ACAP2: variants seen among roughly 807,000 people sequenced by gnomAD.
ACAP2 encodes the protein arf-GAP with coiled-coil, ANK repeat and PH domain-containing protein 2.
A neutral mutation model predicts 115.8 loss-of-function variants in ACAP2; 39 were observed. The ratio of observed to expected loss-of-function variants is 0.34; its 90% CI spans 0.26 to 0.44. ACAP2 has a LOEUF of 0.44. Among genes scored for constraint, ACAP2 ranks in the 20% least tolerant of loss-of-function variants. The probability of loss-of-function intolerance (pLI) is 1.00; values close to 1 mark genes in which losing one functional copy is unlikely to be tolerated. For synonymous variants in ACAP2, 289 were observed against 315.8 expected (o/e 0.92, Z 0.90); for missense variants, 662 against 927.6 (o/e 0.71, Z 3.72).
chr3:195,433,240 T>C (rs550438999), intron 1 of ACAP2, among the ~76,000 whole-genome samples: 31 of 152,364 alleles, frequency 2.0e-4, no homozygotes, highest in Non-Finnish European at 1.5e-5. Context: ...TAATGCAATG[T>C]AAATGTTATG....
intron 1 of ACAP2, chr3:195,410,894 C>G: frequency 4.2e-6 from 1 of 235,366 alleles, no homozygotes; most frequent in Non-Finnish European, 8.8e-6. Flanking sequence ...TTTTGCCCTT[C>G]CACCTTCTGC....
intron 21 of ACAP2, 57 bp from the exon 22 acceptor site, chr3:195,285,914 TAA>T: frequency 7.7e-7 from 1 of 1,294,308 alleles, no homozygotes; most frequent in Non-Finnish European, 1.1e-6. Flanking sequence ...ATGTCATAAA[TAA>T]AGTCTATAAA....
intron 9 of ACAP2, chr3:195,326,269 A>C (rs1279181409): frequency 6.6e-6 from 1 of 152,268 alleles, no homozygotes; most frequent in East Asian, 1.9e-4. Context: ...CTGACTTTAT[A>C]AGAAAGTTGA....
At position 195,275,536 on chromosome 3, in the gene ACAP2, C is replaced by T. The variant is rs1237319425; in HGVS notation, c.*3792G>A. ...ATTTGGAGTCTTTGTTATCAAAGCACAAGGAAAGCTGGCATTCATTATCAG... is the reference window on the plus strand; with the variant it reads ...ATTTGGAGTCTTTGTTATCAAAGCATAAGGAAAGCTGGCATTCATTATCAG... On this transcript the variant is annotated 3_prime_UTR_variant, in exon 23 of 23. Transcript: ENST00000326793. The T allele has an allele frequency of 1.3e-5, 2 of 152,186 alleles. No homozygotes were observed. The highest frequency in any genetic ancestry group is 4.8e-5 in the African/African-American group (2 of 41,452). 9.4% of individuals were successfully genotyped at this position (152,186 alleles called of 1,614,324 possible). A position where few individuals can be genotyped will look rare whatever the true frequency, so the allele number is the denominator to read the frequency against.
chr3:195,327,886 G>A (rs1191534794), intron 8 of ACAP2, among the ~76,000 whole-genome samples: 1 of 151,782 alleles, frequency 6.6e-6, no homozygotes, highest in African/African-American at 2.4e-5. Context: ...GGCCAAGATC[G>A]CACCACTGCA....
chr3:195,424,261 GTATA>G (rs1277754660), intron 1 of ACAP2, among the ~76,000 whole-genome samples: 73 of 54,668 alleles, frequency 1.3e-3, no homozygotes, highest in African/African-American at 3.7e-3. Flanking sequence ...GTGTGTGTGT[GTATA>G]TATATATATA....
At chr3:195,403,804 A>G (rs1712515963) in intron 1 of ACAP2, among the ~76,000 whole-genome samples, 1 of 152,250 alleles carries the variant, frequency 6.6e-6, no homozygotes, top group Admixed American at 6.5e-5. Flanking sequence ...TACTAGATAT[A>G]CAAGTGATGA....
chr3:195,300,464 G>T (rs1045111586), intron 15 of ACAP2, among the ~76,000 whole-genome samples: 1 of 152,134 alleles, frequency 6.6e-6, no homozygotes, highest in Non-Finnish European at 1.5e-5. Context: ...TTCGAATTTT[G>T]TAAATCTTAT....
intron 11 of ACAP2, among the ~76,000 whole-genome samples, chr3:195,308,166 T>G (rs1165606581): frequency 6.6e-6 from 1 of 152,150 alleles, no homozygotes; most frequent in Non-Finnish European, 1.5e-5. Flanking sequence ...CTATTTAAAT[T>G]ACTTTCAGCT....
chr3:195,361,680 C>T (rs1400242315), intron 4 of ACAP2, among the ~76,000 whole-genome samples: 1 of 151,624 alleles, frequency 6.6e-6, no homozygotes, highest in East Asian at 1.9e-4. Flanking sequence ...TAAATAAAGA[C>T]CAGAGCAGAA....
intron 6 of ACAP2, among the ~76,000 whole-genome samples, chr3:195,339,728 G>C (rs1159831146): frequency 6.6e-6 from 1 of 151,990 alleles, no homozygotes; most frequent in Non-Finnish European, 1.5e-5. Context: ...TGAGGAGGCA[G>C]TGTGAGGATT....
intron 1 of ACAP2, among the ~76,000 whole-genome samples, chr3:195,438,029 C>CTT (rs1343731977): frequency 2.9e-4 from 30 of 103,242 alleles, no homozygotes; most frequent in South Asian, 7.9e-4. Context: ...CAAGAATTTT[C>CTT]TTTTTTTTTT....
chr3:195,337,194 T>G (rs2108637698), intron 6 of ACAP2, among the ~76,000 whole-genome samples: 1 of 152,354 alleles, frequency 6.6e-6, no homozygotes, highest in Non-Finnish European at 1.5e-5. Flanking sequence ...AAAGAAAAAC[T>G]GGTTATTTAA....
intron 3 of ACAP2, 149 bp downstream of exon 3, chr3:195,381,754 T>G: frequency 5.1e-6 from 4 of 784,430 alleles, no homozygotes; most frequent in Non-Finnish European, 7.9e-6. Context: ...GAAAACAGAA[T>G]CATACAAGAG....
At chr3:195,356,266 C>T (rs139380288) in intron 4 of ACAP2, 202 of 449,228 alleles carry the variant, frequency 4.5e-4, no homozygotes, top group African/African-American at 3.7e-3. Flanking sequence ...TCAGCCAATG[C>T]CAATGAATGG....
chr3:195,323,733 TAGA>T (rs1269133085), intron 9 of ACAP2, among the ~76,000 whole-genome samples: 1 of 150,936 alleles, frequency 6.6e-6, no homozygotes, highest in African/African-American at 2.4e-5. Flanking sequence ...AGCTGGAGAG[TAGA>T]AGGATGGTTA....
At position 195,279,152 on chromosome 3, in the gene ACAP2, T is replaced by TC; in HGVS notation, c.*175dup. On this transcript the variant is annotated 3_prime_UTR_variant, in exon 23 of 23. Transcript: ENST00000326793. ...AAAGAGGTCCTAAACTAGGTTCCTCTCCTACTACTAGATAACTATGTTTTA... is the reference window on the plus strand; with the variant it reads ...AAAGAGGTCCTAAACTAGGTTCCTCTCCCTACTACTAGATAACTATGTTTTA... 2.1e-6 allele frequency: 1 copy of TC among 478,254 alleles called. No individual in the cohort carries two copies. Among genetic ancestry groups the TC allele is most frequent in the Non-Finnish European group, 3.6e-6 (1 of 274,944 alleles). 29.6% of individuals were successfully genotyped at this position (478,254 alleles called of 1,614,324 possible).
intron 22 of ACAP2, among the ~76,000 whole-genome samples, chr3:195,283,414 C>T (rs1360046894): frequency 6.6e-6 from 1 of 152,204 alleles, no homozygotes; most frequent in African/African-American, 2.4e-5. Context: ...CCAAAGATTA[C>T]ATCTGAATCT....
intron 4 of ACAP2, among the ~76,000 whole-genome samples, chr3:195,352,825 T>C (rs1731699174): frequency 6.6e-6 from 1 of 152,102 alleles, no homozygotes; most frequent in South Asian, 2.1e-4. Flanking sequence ...CCAGATGCAG[T>C]GTCTCAGCAC....
Sources: gnomAD v4.1 joint callset for allele counts (sites outside exome capture counted in the v4.1 genomes callset) on GRCh38, gnomAD v4.1.1 for gene constraint, MANE v1.5 for transcripts, NCBI Gene and HGNC (gene_info 2026-07-23, HGNC 2026-07-21) for gene names.